The following TNS1 variants were observed in gnomAD, a reference collection of about 807,000 sequenced individuals.
The protein encoded by TNS1 is tensin 1.
Under a neutral mutation model 168.6 loss-of-function variants are expected in TNS1, and 62 were observed. The ratio of observed to expected loss-of-function variants is 0.37; its 90% confidence interval spans 0.30 to 0.45. The LOEUF (loss-of-function observed/expected upper bound fraction) is 0.45, where lower values mean the gene tolerates loss of function less well. Among genes scored for constraint, TNS1 ranks in the 20% least tolerant of loss-of-function variants. The pLI is 1.00. For missense variants in TNS1, 2,240 were observed against 2,339.4 expected (o/e 0.96, Z 0.88); for synonymous variants, 934 against 933.2 (o/e 1.00, Z -0.02).
intron 7 of TNS1, among the ~76,000 whole-genome samples, chr2:217,898,719 GC>G (rs1233438938): frequency 8.5e-5 from 13 of 152,364 alleles, no homozygotes; most frequent in African/African-American, 3.1e-4. Flanking sequence ...TGCTGCAGTG[GC>G]GGGCAGCCGC....
intron 11 of TNS1, 38 bp from the exon 12 acceptor site, chr2:217,891,083 T>G (rs745444258): frequency 1.2e-6 from 2 of 1,608,650 alleles, no homozygotes; most frequent in Non-Finnish European, 1.7e-6. Flanking sequence ...AGGCAACTCC[T>G]GCATCCAAGA....
chr2:217,978,915 G>C, intron 2 of TNS1, 113 bp from the exon 3 acceptor site: 1 of 689,004 alleles, frequency 1.5e-6, no homozygotes, highest in Non-Finnish European at 2.7e-6. Flanking sequence ...AGGAAGGAGG[G>C]AAGGAGGGAC....
intron 18 of TNS1, chr2:217,858,768 C>G (rs1948481546): frequency 6.4e-6 from 1 of 157,390 alleles, no homozygotes; most frequent in Admixed American, 6.5e-5. Context: ...CTGCCTCACT[C>G]TGGCTTGTAG....
At chr2:217,985,061 T>C (rs1356666368) in intron 2 of TNS1, among the ~76,000 whole-genome samples, 1 of 151,130 alleles carries the variant, frequency 6.6e-6, no homozygotes, top group African/African-American at 2.5e-5. Flanking sequence ...CTGGCACCAT[T>C]ATGAGATTTT....
intron 20 of TNS1, 70 bp downstream of exon 20, chr2:217,835,945 T>C (rs1326790963): frequency 2.5e-5 from 34 of 1,384,760 alleles, no homozygotes; most frequent in Non-Finnish European, 3.2e-5. Context: ...AAGTTGACCA[T>C]CAGGTTTCTG....
At position 218,021,558 on chromosome 2, in the gene TNS1, T is replaced by G. The variant is rs549246001; in HGVS notation, c.156+12262A>C. Among the ~76,000 whole-genome samples the G allele has an allele frequency of 1.1e-4, 16 of 152,328 alleles. No individual in the cohort carries two copies. The East Asian group carries it at 3.1e-3, about 29-fold the overall frequency. On this transcript the variant is annotated intron_variant, in intron 1 of 1. Coordinates refer to the TNS1 transcript ENST00000649572. Reference sequence around the variant, plus strand: ...CCAGTCTCGTGGTCTGCACTGGGGTTCGAGTTCTGCCCTTATCACATACCA... The same window carrying G: ...CCAGTCTCGTGGTCTGCACTGGGGTGCGAGTTCTGCCCTTATCACATACCA...
At chr2:217,958,633 T>C (rs1213917902) in intron 3 of TNS1, among the ~76,000 whole-genome samples, 1 of 152,200 alleles carries the variant, frequency 6.6e-6, no homozygotes, top group Non-Finnish European at 1.5e-5. Flanking sequence ...AAAGTGTGAC[T>C]GAGAGAGGAG....
intron 1 of TNS1, among the ~76,000 whole-genome samples, chr2:218,025,881 C>G (rs1559414465): frequency 6.6e-6 from 1 of 152,234 alleles, no homozygotes; most frequent in East Asian, 1.9e-4. Flanking sequence ...TCCATGGTTC[C>G]CTGTTGGCTT....
rs1951189922 is a variant in TNS1, at chr2:217,886,217, G to GGGAA, written c.980-114_980-113insTTCC. ...AGGAAGGAAGAAATGGGGGAAGACG[G>GGGAA]GGTAGGAAGGGGAAGGAGGAAAAGA... On this transcript the variant is annotated intron_variant, in intron 13 of 32. Coordinates refer to ENST00000682258, the MANE Select transcript of TNS1 (RefSeq NM_001387777.1). The GGGAA allele has an allele frequency of 3.6e-6, 4 of 1,121,694 alleles. No homozygotes were observed. The South Asian group carries it at 4.3e-5, about 12-fold the overall frequency. The allele number at this position is 1,121,694 out of a possible 1,614,324, so 69.5% of individuals were successfully genotyped here.
intron 22 of TNS1, among the ~76,000 whole-genome samples, chr2:217,828,162 G>A (rs757271789): frequency 2.0e-5 from 3 of 152,210 alleles, no homozygotes; most frequent in Non-Finnish European, 4.4e-5. Context: ...AGGCTGCGGG[G>A]GAGCAAGGAG....
intron 3 of TNS1, among the ~76,000 whole-genome samples, chr2:217,921,300 T>A (rs1955681565): frequency 6.6e-6 from 1 of 152,152 alleles, no homozygotes; most frequent in Admixed American, 6.5e-5. Flanking sequence ...TGAGGTTATC[T>A]GGGAACAAGC....
chr2:217,995,527 C>CG lies in TNS1; in HGVS notation c.34-4472dup, dbSNP rs751493064. Among the ~76,000 whole-genome samples the CG allele has an allele frequency of 5.9e-5, 9 of 152,132 alleles. No individual in the cohort carries two copies. The highest frequency in any genetic ancestry group is 1.2e-4 in the Non-Finnish European group (8 of 68,034). On this transcript the variant is annotated intron_variant, in intron 1 of 32. Transcript: ENST00000682258. The surrounding 1 kb of genome is among the most constrained non-coding windows in gnomAD (Gnocchi z 4.1). ...CCTGGTACCTACCCAGCCCTCCCCC[C>CG]GGGTTGTTCTGCAGGTACAGGCAGA...
chr2:217,841,948 T>G, intron 19 of TNS1: 2 of 632,078 alleles, frequency 3.2e-6, no homozygotes, highest in South Asian at 3.7e-5. Context: ...TATGTTATCC[T>G]TTCCTTGCCC....
chr2:217,998,850 G>A (rs944475427), intron 1 of TNS1, among the ~76,000 whole-genome samples: 9 of 152,028 alleles, frequency 5.9e-5, no homozygotes, highest in Non-Finnish European at 1.2e-4. Flanking sequence ...AGTCTTTCCT[G>A]ACACCTTCTC....
At chr2:217,961,340 C>T (rs572706326) in intron 3 of TNS1, among the ~76,000 whole-genome samples, 3 of 151,302 alleles carry the variant, frequency 2.0e-5, no homozygotes, top group African/African-American at 7.3e-5. Context: ...TGTCTGTTAC[C>T]CTCTTCCAAA....
At position 217,886,653 on chromosome 2, in the gene TNS1, T is replaced by G. The variant is rs776088588; in HGVS notation, c.867-7A>C. On this transcript the variant is annotated splice_polypyrimidine_tract_variant and splice_region_variant and intron_variant, in intron 12 of 32. Coordinates refer to ENST00000682258, the MANE Select transcript of TNS1 (RefSeq NM_001387777.1). Reference sequence around the variant, plus strand: ...ACTGAAGTAATGCACGTACCTGTAGTGGTGGGAGAAGCAGCTTCAGGGAGT... The same window carrying G: ...ACTGAAGTAATGCACGTACCTGTAGGGGTGGGAGAAGCAGCTTCAGGGAGT... 6.4e-7 allele frequency: 1 copy of G among 1,571,230 alleles called. No individual in the cohort carries two copies.
intron 1 of TNS1, among the ~76,000 whole-genome samples, chr2:218,029,767 TG>T (rs1359544230): frequency 2.6e-5 from 4 of 152,218 alleles, no homozygotes; most frequent in African/African-American, 9.6e-5. Flanking sequence ...GATTAGTGAC[TG>T]GAAGGGGCAG....
intron 1 of TNS1, among the ~76,000 whole-genome samples, chr2:218,027,200 G>A (rs1020572318): frequency 1.8e-4 from 27 of 152,034 alleles, no homozygotes; most frequent in Admixed American, 1.2e-3. Flanking sequence ...CCCCCCTGTC[G>A]TCTTCCACCC....
rs1280559275 is a variant in TNS1 at position 217,848,806 on chromosome 2, C to A, written c.1711G>T (p.Gly571Cys). The A allele has an allele frequency of 6.2e-7, 1 of 1,614,132 alleles. No homozygotes were observed. The highest frequency in any genetic ancestry group is 1.7e-5 in the Admixed American group (1 of 60,022). The change falls in exon 19 of 33, where the codon GGC becomes TGC. Residue 571 changes from glycine (G) to cysteine (C), a missense_variant. Gly to Cys is a radical substitution (Grantham distance 159). This residue lies in a region of TNS1 where 2,131 missense variants were observed against 2,171.2 expected (regional missense o/e 0.98). Coordinates refer to ENST00000682258, the MANE Select transcript of TNS1 (RefSeq NM_001387777.1). ...TGCTTCTCTCGCTCTAAGCCAAAGCCACTCAGCAGGCGGTCCAGCTCCCGC... is the reference window on the plus strand; with the variant it reads ...TGCTTCTCTCGCTCTAAGCCAAAGCAACTCAGCAGGCGGTCCAGCTCCCGC... ...EKRELDRLLS[G>C]FGLEREKQGA...
Sources: gnomAD v4.1 joint callset for allele counts (sites outside exome capture counted in the v4.1 genomes callset) on GRCh38, gnomAD v4.1.1 for gene constraint, gnomAD v4.1.1 regional missense constraint, Gnocchi (gnomAD v3.1) non-coding constraint, MANE v1.5 for transcripts, NCBI Gene and HGNC (gene_info 2026-07-23, HGNC 2026-07-21) for gene names.